Variants in RGMB observed in about 807,000 individuals in gnomAD.
RGMB encodes the protein repulsive guidance molecule BMP co-receptor b.
A neutral mutation model predicts 26.9 loss-of-function variants in RGMB; 16 were observed. The observed-to-expected ratio is 0.60, with a 90% confidence interval of 0.40 to 0.90. The LOEUF (loss-of-function observed/expected upper bound fraction) is 0.90, where lower values mean the gene tolerates loss of function less well. Ranked by LOEUF, RGMB falls within the 40% of genes least tolerant of loss-of-function variation. The pLI is 0.00. For synonymous variants in RGMB, 225 were observed against 229.3 expected, an observed-to-expected ratio of 0.98 and a Z score of 0.17; for missense variants, 512 against 573.3, an observed-to-expected ratio of 0.89 and a Z score of 1.09.
Position 98,794,931 on chromosome 5 carries a change from T to C in RGMB, c.*1178T>C, listed in dbSNP as rs1747067766. 6.6e-6 allele frequency: 1 copy of C among 152,264 alleles called. No individual in the cohort carries two copies. The highest frequency in any genetic ancestry group is 2.4e-5 in the African/African-American group (1 of 41,462). The allele number at this position is 152,264 out of a possible 1,614,324, so 9.4% of individuals were successfully genotyped here. ...AGAGCTTCCTTGGCCTGACTCGGTG[T>C]GCGGCCACTTCGGCACTGCTTAATC... On this transcript the variant is annotated 3_prime_UTR_variant, in exon 3 of 3. Transcript: ENST00000513185.
Position 98,793,120 on chromosome 5 carries a change from A to T in RGMB, c.681A>T (p.Thr227=). Reference sequence around the variant, plus strand: ...TCTTCAAAGCCCACCATGAGTGTACAGATCAGAAAGTCTACCAAGCTGTGA... The same window carrying T: ...TCTTCAAAGCCCACCATGAGTGTACTGATCAGAAAGTCTACCAAGCTGTGA... ...TIIFKAHHEC[T]DQKVYQAVTD... is the part of the protein sequence containing the mutation. The change falls in exon 3 of 3, where the codon ACA becomes ACT. Residue 227 remains threonine, a synonymous_variant. Coordinates refer to ENST00000513185, the MANE Select transcript of RGMB (RefSeq NM_001366508.1). The T allele has an allele frequency of 6.2e-7, 1 of 1,613,390 alleles. No homozygotes were observed. The highest frequency in any genetic ancestry group is 8.5e-7 in the Non-Finnish European group (1 of 1,179,464).
At position 98,794,828 on chromosome 5, in the gene RGMB, C is replaced by CT. The variant is rs1245340670; in HGVS notation, c.*1077dup. 1 of 152,190 alleles carries CT rather than the reference C, an allele frequency of 6.6e-6. No homozygotes were observed. Among genetic ancestry groups the CT allele is most frequent in the Non-Finnish European group, 1.5e-5 (1 of 68,070 alleles). The allele number at this position is 152,190 out of a possible 1,614,324, so 9.4% of individuals were successfully genotyped here. The stretch of plus-strand genomic sequence containing the variant: ...CCCATCACAAAGTTTTTCATTCTTC[C>CT]TTGTCCACCATGATCTTCATCACAG... On this transcript the variant is annotated 3_prime_UTR_variant, in exon 3 of 3. Coordinates refer to ENST00000513185, the MANE Select transcript of RGMB (RefSeq NM_001366508.1).
intron 2 of RGMB, among the ~76,000 whole-genome samples, chr5:98,791,549 T>C (rs1056697044): frequency 2.0e-5 from 3 of 152,162 alleles, no homozygotes; most frequent in African/African-American, 7.2e-5. Flanking sequence ...TTCGATTAGT[T>C]TCCTTGCAGG....
At position 98,774,107 on chromosome 5, in the gene RGMB, G is replaced by A. The variant is rs1465202304; in HGVS notation, c.37G>A (p.Ala13Thr). The A allele has an allele frequency of 4.5e-6, 6 of 1,331,022 alleles. No homozygotes were observed. The East Asian group carries it at 8.4e-5, about 19-fold the overall frequency. 82.5% of individuals were successfully genotyped at this position (1,331,022 alleles called of 1,614,324 possible). ...AGCAGCACCTTCCAGCGCCGCCGCT[G>A]CCGCCGCCGAGGTTGAGCAGCGCCG... ...LRAAPSSAAA[A>T]AAEVEQRRSP... Residue 13 changes from alanine to threonine, a missense_variant, in exon 1 of 3, where the codon GCC (alanine) becomes ACC (threonine). Physicochemically the swap from Ala to Thr is moderately conservative, Grantham distance 58 (BLOSUM62 0). Transcript: ENST00000513185.
Position 98,780,050 on chromosome 5 carries a change from C to A in RGMB, c.607C>A (p.Pro203Thr). Residue 203 changes from proline (P) to threonine (T), a missense_variant, in exon 2 of 3, where the codon CCT becomes ACT. Coordinates refer to ENST00000513185, the MANE Select transcript of RGMB (RefSeq NM_001366508.1). The stretch of plus-strand genomic sequence containing the variant: ...TCTTTCAGTTCAAGTGACAAACGTA[C>A]CTGTGGTCCCTGGATCCAGTGCTAC... ...NYLSVQVTNV[P>T]VVPGSSATAT... The A allele has an allele frequency of 6.2e-7, 1 of 1,612,928 alleles. No individual in the cohort carries two copies. The highest frequency in any genetic ancestry group is 8.5e-7 in the Non-Finnish European group (1 of 1,179,844).
At chr5:98,780,617 A>G (rs960116494) in intron 2 of RGMB, 2 of 152,830 alleles carry the variant, frequency 1.3e-5, no homozygotes, top group African/African-American at 4.8e-5. Flanking sequence ...TAACCTCTTG[A>G]TGACCGAGGA....
At position 98,793,834 on chromosome 5, in the gene RGMB, AAG is replaced by A. The variant is rs1747025913; in HGVS notation, c.*84_*85del. On this transcript the variant is annotated 3_prime_UTR_variant, in exon 3 of 3. Transcript: ENST00000513185. ...TATATTGTCATAATATATTGAGTAAAAGAGTATATATGTATATACCATGTATA... is the reference window on the plus strand; with the variant it reads ...TATATTGTCATAATATATTGAGTAAAAGTATATATGTATATACCATGTATA... 3 of 1,073,598 alleles carry A rather than the reference AAG, an allele frequency of 2.8e-6. No homozygotes were observed. The highest frequency in any genetic ancestry group is 1.3e-6 in the Non-Finnish European group (1 of 763,984). The allele number at this position is 1,073,598 out of a possible 1,614,324, so 66.5% of individuals were successfully genotyped here.
Position 98,796,344 on chromosome 5 carries a change from C to CCT in RGMB, c.*2592_*2593insTC. 7.0e-6 allele frequency: 1 copy of CCT among 142,288 alleles called. No individual in the cohort carries two copies. Among genetic ancestry groups the CCT allele is most frequent in the Non-Finnish European group, 1.5e-5 (1 of 65,672 alleles). The allele number at this position is 142,288 out of a possible 1,614,324, so 8.8% of individuals were successfully genotyped here. A position where few individuals can be genotyped will look rare whatever the true frequency, so the allele number is the denominator to read the frequency against. Reference sequence around the variant, plus strand: ...TTGTTATGCTTGGAAGCTCCCCCCCCCCCAACAGTGTGTCGAGTCTTTGCA... The same window carrying CCT: ...TTGTTATGCTTGGAAGCTCCCCCCCCCTCCCAACAGTGTGTCGAGTCTTTGCA... On this transcript the variant is annotated 3_prime_UTR_variant, in exon 3 of 3. Coordinates refer to ENST00000513185, the MANE Select transcript of RGMB (RefSeq NM_001366508.1).
upstream of RGMB, chr5:98,769,698 G>A (rs1236618263): frequency 2.0e-5 from 3 of 153,512 alleles, no homozygotes; most frequent in Non-Finnish European, 4.3e-5. Flanking sequence ...GCAGCGGCCG[G>A]GACTGTTTTG....
rs143727345 is a variant in RGMB, at chr5:98,793,979, A to G, written c.*226A>G. ...TCAATTTTGTTTTGCAGTTCTGTGA[A>G]ATGTTTTATAATGTCCCTGCCCAGG... On this transcript the variant is annotated 3_prime_UTR_variant, in exon 3 of 3. Transcript: ENST00000513185. 1,032 of 434,778 alleles carry G rather than the reference A, an allele frequency of 2.4e-3. 8 individuals are homozygous for G. Among genetic ancestry groups the G allele is most frequent in the Middle Eastern group, 0.016 (26 of 1,666 alleles). 26.9% of individuals were successfully genotyped at this position (434,778 alleles called of 1,614,324 possible).
rs1448913924 is a variant in RGMB, at chr5:98,795,565, G to C, written c.*1812G>C. On this transcript the variant is annotated 3_prime_UTR_variant, in exon 3 of 3. Coordinates refer to ENST00000513185, the MANE Select transcript of RGMB (RefSeq NM_001366508.1). ...TGGGCAGTCTGGGAAAATAAGGAAG[G>C]CATCTCCTTCTTACTCATGGAGATT... is the stretch of plus-strand genomic sequence containing the variant. 6.6e-6 allele frequency: 1 copy of C among 152,128 alleles called. No homozygotes were observed. Among genetic ancestry groups the C allele is most frequent in the Non-Finnish European group, 1.5e-5 (1 of 68,036 alleles). 9.4% of individuals were successfully genotyped at this position (152,128 alleles called of 1,614,324 possible).
chr5:98,777,948 G>A (rs2112346079), intron 1 of RGMB, among the ~76,000 whole-genome samples: 1 of 151,910 alleles, frequency 6.6e-6, no homozygotes, highest in South Asian at 2.1e-4. Context: ...TCCCCTTTTT[G>A]ACCCAAACAC....
At chr5:98,778,042 CAAG>C (rs1432766953) in intron 1 of RGMB, among the ~76,000 whole-genome samples, 1 of 151,964 alleles carries the variant, frequency 6.6e-6, no homozygotes, top group African/African-American at 2.4e-5. Flanking sequence ...CAGAAGAACC[CAAG>C]AAGATTTGAA....
At position 98,793,647 on chromosome 5, in the gene RGMB, A is replaced by T. The variant is rs1180024148; in HGVS notation, c.1208A>T (p.Glu403Val). The change falls in exon 3 of 3, where the codon GAA (glutamate) becomes GTA (valine). Residue 403 changes from glutamate (E) to valine (V), a missense_variant. Transcript: ENST00000513185. ...GTGGAGGCCCTGCACCCAAGGAAGG[A>T]ACGCTGGCACATTTTCCCCAGCAGT... Reference protein sequence around the residue: ...EDVEALHPRKERWHIFPSSGN... With the variant: ...EDVEALHPRKVRWHIFPSSGN... 1 of 1,614,038 alleles carries T rather than the reference A, an allele frequency of 6.2e-7. No homozygotes were observed. The highest frequency in any genetic ancestry group is 1.7e-5 in the Admixed American group (1 of 60,030).
chr5:98,788,587 T>C (rs1746831808), intron 2 of RGMB, among the ~76,000 whole-genome samples: 1 of 152,208 alleles, frequency 6.6e-6, no homozygotes, highest in African/African-American at 2.4e-5. Flanking sequence ...GACAGAGTTC[T>C]CCCCAGTTTT....
At chr5:98,785,287 A>G (rs1580286172) in intron 2 of RGMB, among the ~76,000 whole-genome samples, 1 of 152,372 alleles carries the variant, frequency 6.6e-6, no homozygotes, top group East Asian at 1.9e-4. Context: ...ATCTAAGCAC[A>G]TAACTAAAAT....
intron 2 of RGMB, among the ~76,000 whole-genome samples, chr5:98,784,280 A>G (rs992916168): frequency 2.6e-5 from 4 of 152,240 alleles, no homozygotes; most frequent in African/African-American, 7.2e-5. Context: ...CCCATCATGC[A>G]TTATGGATAG....
chr5:98,782,094 G>A (rs1746625919), intron 2 of RGMB, among the ~76,000 whole-genome samples: 4 of 152,166 alleles, frequency 2.6e-5, no homozygotes, highest in Admixed American at 2.0e-4. Flanking sequence ...TCCCACATCT[G>A]GTGACCATGC....
chr5:98,785,640 C>G (rs908808883), intron 2 of RGMB, among the ~76,000 whole-genome samples: 5 of 152,144 alleles, frequency 3.3e-5, no homozygotes, highest in Non-Finnish European at 7.4e-5. Flanking sequence ...GATGTTATAC[C>G]AAAAAGCTTT....
Sources: gnomAD v4.1 joint callset for allele counts (sites outside exome capture counted in the v4.1 genomes callset) on GRCh38, gnomAD v4.1.1 for gene constraint, MANE v1.5 for transcripts, NCBI Gene and HGNC (gene_info 2026-07-23, HGNC 2026-07-21) for gene names.